The following TSC1 variants were observed in gnomAD, a reference collection of about 807,000 sequenced individuals.
TSC1 encodes the protein TSC complex subunit 1.
A neutral mutation model predicts 124.3 loss-of-function variants in TSC1; 20 were observed. The ratio of observed to expected loss-of-function variants is 0.16; its 90% confidence interval spans 0.11 to 0.23. The LOEUF (loss-of-function observed/expected upper bound fraction) is 0.23. TSC1 is among the 10% of genes least tolerant of loss of function. The pLI, the probability that TSC1 is intolerant of heterozygous loss-of-function variation, is 1.00. For synonymous variants in TSC1, 493 were observed against 539.1 expected (o/e 0.91, Z 1.19); for missense variants, 1,124 against 1,448.5 (o/e 0.78, Z 3.64).
intron 20 of TSC1, chr9:132,899,652 T>G (rs1280115347): frequency 6.6e-6 from 1 of 152,206 alleles, no homozygotes; most frequent in African/African-American, 2.4e-5. Context: ...CTAGTTTGGT[T>G]TTTGTTGTCT....
rs5901000 is a variant in TSC1, at chr9:132,897,613, G to GAAAA, written c.2626-7_2626-4dup. 4,791 of 1,351,826 alleles carry GAAAA rather than the reference G, an allele frequency of 3.5e-3. 11 individuals are homozygous for GAAAA. Among genetic ancestry groups the GAAAA allele is most frequent in the South Asian group, 0.011 (754 of 67,670 alleles). The allele number at this position is 1,351,826 out of a possible 1,614,324, so 83.7% of individuals were successfully genotyped here. On this transcript the variant is annotated splice_region_variant and splice_polypyrimidine_tract_variant and intron_variant, in intron 20 of 22. Transcript: ENST00000298552. ...GCGGCTTTCATCATTTCTACTTCCT[G>GAAAA]AAAAAAAAAAAAAAAAAAGACTGGA...
chr9:132,941,993 A>C (rs1847762081), intron 1 of TSC1: 1 of 152,228 alleles, frequency 6.6e-6, no homozygotes, highest in African/African-American at 2.4e-5. Flanking sequence ...AATGGTTGAG[A>C]TATTGCTATA....
intron 10 of TSC1, 150 bp from the exon 11 acceptor site, chr9:132,911,263 T>G: frequency 1.2e-6 from 1 of 827,728 alleles, no homozygotes. Flanking sequence ...CAAGTTGCAT[T>G]TTGTAAATCA....
intron 20 of TSC1, chr9:132,900,497 C>T: frequency 1.6e-6 from 1 of 617,298 alleles, no homozygotes; most frequent in Non-Finnish European, 2.8e-6. Flanking sequence ...CCATTAGGTG[C>T]TTTCAGTGTG....
chr9:132,942,199 C>G (rs919024552), intron 1 of TSC1: 1 of 152,190 alleles, frequency 6.6e-6, no homozygotes, highest in Non-Finnish European at 1.5e-5. Context: ...AGGCTACAAG[C>G]TATTTTAAGA....
intron 1 of TSC1, among the ~76,000 whole-genome samples, chr9:132,938,896 T>C (rs575202123): frequency 1.3e-5 from 2 of 152,326 alleles, no homozygotes; most frequent in Non-Finnish European, 2.9e-5. Flanking sequence ...CAGGACTGTA[T>C]GTAACATAAA....
chr9:132,896,574 T>G lies in TSC1; in HGVS notation c.3156A>C (p.Pro1052=), dbSNP rs1363162299. 1 of 1,613,972 alleles carries G rather than the reference T, an allele frequency of 6.2e-7. No homozygotes were observed. Among genetic ancestry groups the G allele is most frequent in the South Asian group, 1.1e-5 (1 of 91,066 alleles). Residue 1052 remains proline (P), a synonymous_variant, in exon 23 of 23, where the codon CCA becomes CCC. Coordinates refer to ENST00000298552, the MANE Select transcript of TSC1 (RefSeq NM_000368.5). This position sits in a 1 kb window ranked among gnomAD's most constrained non-coding sequence, Gnocchi z 4.5. ...TGCTGAATGGGCCTGCCCTCTGGTGTGGGGGTTTCTCTGGGGTAGAAAGCT... is the reference window on the plus strand; with the variant it reads ...TGCTGAATGGGCCTGCCCTCTGGTGGGGGGGTTTCTCTGGGGTAGAAAGCT... ...SSELSTPEKP[P]HQRAGPFSSR...
rs1474963980 is a variant in TSC1, at chr9:132,902,397, G to A, written c.2391+208C>T. ...AAAAAATGACTGAGACACTAAGGGA[G>A]CTACTATATGAACCAACAAAGTTGG... On this transcript the variant is annotated intron_variant, in intron 18 of 22. Transcript: ENST00000298552. This position sits in a 1 kb window ranked among gnomAD's most constrained non-coding sequence, Gnocchi z 5.2. Among the ~76,000 whole-genome samples the A allele has an allele frequency of 1.3e-5, 2 of 152,194 alleles. No homozygotes were observed. Among genetic ancestry groups the A allele is most frequent in the Non-Finnish European group, 2.9e-5 (2 of 68,034 alleles).
Position 132,902,791 on chromosome 9 carries a change from G to A in TSC1, c.2209-4C>T. ...CTTGTAACTTCAACTGATCTTTCTA[G>A]CAGAGACCAGAAATGTCATCATTTT... On this transcript the variant is annotated splice_polypyrimidine_tract_variant and splice_region_variant and intron_variant, in intron 17 of 22. Transcript: ENST00000298552. This position sits in a 1 kb window ranked among gnomAD's most constrained non-coding sequence, Gnocchi z 5.2. The A allele has an allele frequency of 6.2e-7, 1 of 1,613,122 alleles. No individual in the cohort carries two copies. The highest frequency in any genetic ancestry group is 8.5e-7 in the Non-Finnish European group (1 of 1,180,018).
rs550526986 is a variant in TSC1 at position 132,896,452 on chromosome 9, C to A, written c.3278G>T (p.Arg1093Leu). ...CTCGCTCTTATTACGAAATAACTCT[C>A]GAGCCTTCATACCCAGGAAGCTTTT... ...SSKSFLGMKA[R>L]ELFRNKSESQ... Residue 1093 changes from arginine to leucine, a missense_variant, in exon 23 of 23, where the codon CGA (arginine) becomes CTA (leucine). Arg to Leu is a moderately radical substitution (Grantham distance 102). Coordinates refer to ENST00000298552, the MANE Select transcript of TSC1 (RefSeq NM_000368.5). The surrounding 1 kb of genome is among the most constrained non-coding windows in gnomAD (Gnocchi z 4.5). 6.2e-7 allele frequency: 1 copy of A among 1,614,172 alleles called. No homozygotes were observed.
rs1554814693 is a variant in TSC1 at position 132,901,706 on chromosome 9, A to G, written c.2392-7T>C. On this transcript the variant is annotated splice_region_variant and splice_polypyrimidine_tract_variant and intron_variant, in intron 18 of 22. Coordinates refer to ENST00000298552, the MANE Select transcript of TSC1 (RefSeq NM_000368.5). ...TGCAGTCCTCCAGCTTCGTCTGCCC[A>G]AAGAGACGTGGACATGAAGTTTGAG... The G allele has an allele frequency of 1.9e-6, 3 of 1,613,606 alleles. No individual in the cohort carries two copies. Among genetic ancestry groups the G allele is most frequent in the Non-Finnish European group, 2.5e-6 (3 of 1,179,930 alleles).
chr9:132,915,311 C>T (rs188560934), intron 8 of TSC1, among the ~76,000 whole-genome samples: 2 of 151,958 alleles, frequency 1.3e-5, no homozygotes, highest in Non-Finnish European at 2.9e-5. Flanking sequence ...AAGACTGTGC[C>T]GCAAAAAAAT....
intron 15 of TSC1, among the ~76,000 whole-genome samples, 199 bp from the exon 16 acceptor site, chr9:132,904,653 A>G (rs910159473): frequency 1.3e-5 from 2 of 152,238 alleles, no homozygotes; most frequent in Admixed American, 6.5e-5. Flanking sequence ...CCCTCGCCCC[A>G]CTGCCTAGGA....
chr9:132,896,377 T>C lies in TSC1; in HGVS notation c.3353A>G (p.Lys1118Arg), dbSNP rs2131592698. 6.2e-7 allele frequency: 1 copy of C among 1,614,220 alleles called. No individual in the cohort carries two copies. The highest frequency in any genetic ancestry group is 8.5e-7 in the Non-Finnish European group (1 of 1,180,046). ...ACCCAAGTCTTTGCCCAGTTCTGTC[T>C]TTAGGCTCTCAGAAAGGCTACTGGT... ...GMTSSLSESL[K>R]TELGKDLGVE... The change falls in exon 23 of 23, where the codon AAG becomes AGG. Residue 1118 changes from lysine to arginine, a missense_variant. Physicochemically the swap from Lys to Arg is conservative, Grantham distance 26. Around this residue, in one of 5 missense-constraint regions of TSC1, gnomAD observed 325 missense variants for 383.4 expected, o/e 0.85. Transcript: ENST00000298552. This position sits in a 1 kb window ranked among gnomAD's most constrained non-coding sequence, Gnocchi z 4.5.
In TSC1 at chr9:132,898,396, T is replaced by C. The variant is rs757463944; in HGVS notation, c.2626-786A>G. Among the ~76,000 whole-genome samples, 45 of 152,220 alleles carry C rather than the reference T, an allele frequency of 3.0e-4. 1 individual carries two copies. Among genetic ancestry groups the C allele is most frequent in the Admixed American group, 2.9e-3 (44 of 15,282 alleles). The stretch of plus-strand genomic sequence containing the variant: ...TGTGTATGTTTACCGTGGTAAAATA[T>C]ACAAAACACAAAACTTGCCATATAT... On this transcript the variant is annotated intron_variant, in intron 20 of 22. Transcript: ENST00000298552.
chr9:132,940,040 T>G (rs921845718), intron 1 of TSC1, among the ~76,000 whole-genome samples: 1 of 152,012 alleles, frequency 6.6e-6, no homozygotes, highest in African/African-American at 2.4e-5. Context: ...AAAAAATATA[T>G]AGAGTGCATA....
chr9:132,925,558 T>C (rs767005620), intron 5 of TSC1, 29 bp downstream of exon 5: 1 of 1,613,982 alleles, frequency 6.2e-7, no homozygotes, highest in Admixed American at 1.7e-5. Context: ...CATAAAACCA[T>C]TTCATTCAAA....
rs1160010504 is a variant in TSC1, at chr9:132,896,226, C to T, written c.*9G>A. ...AATATGCAAGTTAACACTGATTGAC[C>T]ATCATTCCTTAGCTGTGTTCATGAT... On this transcript the variant is annotated 3_prime_UTR_variant, in exon 23 of 23. Coordinates refer to ENST00000298552, the MANE Select transcript of TSC1 (RefSeq NM_000368.5). This position sits in a 1 kb window ranked among gnomAD's most constrained non-coding sequence, Gnocchi z 4.5. 6.2e-7 allele frequency: 1 copy of T among 1,614,072 alleles called. No individual in the cohort carries two copies. The highest frequency in any genetic ancestry group is 2.2e-5 in the East Asian group (1 of 44,904).
intron 19 of TSC1, 21 bp downstream of exon 19, chr9:132,901,568 G>A (rs1339915006): frequency 1.9e-6 from 3 of 1,594,746 alleles, no homozygotes; most frequent in East Asian, 4.5e-5. Flanking sequence ...GCAGATTCAG[G>A]TCTGCCTCAT....
Sources: gnomAD v4.1 joint callset for allele counts (sites outside exome capture counted in the v4.1 genomes callset) on GRCh38, gnomAD v4.1.1 for gene constraint, gnomAD v4.1.1 regional missense constraint, Gnocchi (gnomAD v3.1) non-coding constraint, MANE v1.5 for transcripts, NCBI Gene and HGNC (gene_info 2026-07-23, HGNC 2026-07-21) for gene names.